Variants in VPS13A observed in about 807,000 individuals in gnomAD.
VPS13A encodes the protein vacuolar protein sorting 13 homolog A, also known as intermembrane lipid transfer protein VPS13A.
A neutral mutation model predicts 390.9 loss-of-function variants in VPS13A; 264 were observed. The ratio of observed to expected loss-of-function variants is 0.68; its 90% CI spans 0.61 to 0.75. VPS13A has a LOEUF of 0.75. Among genes scored for constraint, VPS13A ranks in the 30% least tolerant of loss-of-function variants. The probability of loss-of-function intolerance (pLI) is 0.00; values close to 1 mark genes in which losing one functional copy is unlikely to be tolerated. For missense variants in VPS13A, 3,409 were observed against 3,733.9 expected, an observed-to-expected ratio of 0.91 and a Z score of 2.27; for synonymous variants, 1,231 against 1,227.1, an observed-to-expected ratio of 1.00 and a Z score of -0.07.
intron 26 of VPS13A, among the ~76,000 whole-genome samples, chr9:77,276,961 A>G (rs1826717210): frequency 6.6e-6 from 1 of 152,166 alleles, no homozygotes; most frequent in Non-Finnish European, 1.5e-5. Context: ...ATGAGTTAAC[A>G]TATTCTCAGA....
intron 23 of VPS13A, among the ~76,000 whole-genome samples, chr9:77,262,026 A>G (rs1825789928): frequency 6.6e-6 from 1 of 152,176 alleles, no homozygotes; most frequent in African/African-American, 2.4e-5. Context: ...AATAAGTAGA[A>G]CATACTTTCC....
intron 68 of VPS13A, among the ~76,000 whole-genome samples, chr9:77,383,473 C>G (rs931356918): frequency 6.6e-6 from 1 of 151,978 alleles, no homozygotes; most frequent in East Asian, 1.9e-4. Context: ...ACCTGCCTTC[C>G]CTTGTTAGAA....
chr9:77,196,128 ATTTT>A (rs1230333521), intron 1 of VPS13A, among the ~76,000 whole-genome samples: 1 of 151,570 alleles, frequency 6.6e-6, no homozygotes, highest in Admixed American at 6.6e-5. Context: ...TTCCTTATTT[ATTTT>A]ATTTATTTAT....
rs957897199 is a variant in VPS13A, at chr9:77,177,559, A to G, written c.-146A>G. 18 of 718,098 alleles carry G rather than the reference A, an allele frequency of 2.5e-5. No homozygotes were observed. Among genetic ancestry groups the G allele is most frequent in the Admixed American group, 2.3e-4 (11 of 48,640 alleles). The allele number at this position is 718,098 out of a possible 1,614,324, so 44.5% of individuals were successfully genotyped here. On this transcript the variant is annotated 5_prime_UTR_variant, in exon 1 of 72. Transcript: ENST00000360280. ...GCCTCCGTCTCTCGCTGGGCTCGCTAGGGCTGCGCGTTGGGCCAGCGGGGG... is the reference window on the plus strand; with the variant it reads ...GCCTCCGTCTCTCGCTGGGCTCGCTGGGGCTGCGCGTTGGGCCAGCGGGGG...
At chr9:77,406,454 C>G (rs893473974) in intron 70 of VPS13A, among the ~76,000 whole-genome samples, 2 of 152,162 alleles carry the variant, frequency 1.3e-5, no homozygotes, top group Non-Finnish European at 2.9e-5. Context: ...GAGTCTTGCC[C>G]TGTCGCCCAA....
intron 26 of VPS13A, among the ~76,000 whole-genome samples, chr9:77,279,127 G>A (rs1826865786): frequency 6.6e-6 from 1 of 152,222 alleles, no homozygotes; most frequent in African/African-American, 2.4e-5. Flanking sequence ...AGGGCAGGGG[G>A]CCATTGTGAC....
chr9:77,337,359 G>A lies in VPS13A; in HGVS notation c.6200G>A (p.Cys2067Tyr), dbSNP rs770789453. Residue 2067 changes from cysteine (C) to tyrosine (Y), a missense_variant, in exon 47 of 72, where the codon TGT (cysteine) becomes TAT (tyrosine). This residue lies in a region of VPS13A where 2,717 missense variants were observed against 2,917.4 expected (regional missense o/e 0.93). Coordinates refer to ENST00000360280, the MANE Select transcript of VPS13A (RefSeq NM_033305.3). ...GATGGTGCTCTTCTAAAGAAGAAAT[G>A]TAGATCTAAAAACCCTTCTAAGGAA... ...KNDGALLKKK[C>Y]RSKNPSKESF... is the part of the protein sequence containing the mutation. 2 of 1,612,870 alleles carry A rather than the reference G, an allele frequency of 1.2e-6. No individual in the cohort carries two copies. Among genetic ancestry groups the A allele is most frequent in the Admixed American group, 1.7e-5 (1 of 59,996 alleles).
intron 17 of VPS13A, among the ~76,000 whole-genome samples, chr9:77,231,770 C>T (rs762646845): frequency 4.6e-5 from 7 of 152,056 alleles, no homozygotes; most frequent in Admixed American, 1.3e-4. Flanking sequence ...TCACTTCATC[C>T]GGTCTTATAT....
At position 77,308,047 on chromosome 9, in the gene VPS13A, C is replaced by G. The variant is rs1418921836; in HGVS notation, c.4063C>G (p.Gln1355Glu). The G allele has an allele frequency of 5.6e-6, 9 of 1,613,772 alleles. No homozygotes were observed. The highest frequency in any genetic ancestry group is 7.6e-6 in the Non-Finnish European group (9 of 1,179,882). The change falls in exon 35 of 72, where the codon CAA (glutamine) becomes GAA (glutamate). Residue 1355 changes from glutamine to glutamate, a missense_variant. By Grantham distance (29) the Gln-to-Glu change is conservative. Transcript: ENST00000360280. The part of the protein sequence containing the change: ...GSASPAVTKD[Q>E]YSATSGVTTN... Reference sequence around the variant, plus strand: ...TGCCTCACCTGCTGTAACAAAAGACCAATACAGTGCCACTAGTGGAGTTAC... The same window carrying G: ...TGCCTCACCTGCTGTAACAAAAGACGAATACAGTGCCACTAGTGGAGTTAC...
chr9:77,204,771 C>T (rs953560800), intron 3 of VPS13A, among the ~76,000 whole-genome samples: 2 of 152,038 alleles, frequency 1.3e-5, no homozygotes. Context: ...ACTACAGGCA[C>T]ATACTGTCAC....
chr9:77,236,977 C>T (rs1361830812), intron 17 of VPS13A, among the ~76,000 whole-genome samples: 1 of 152,160 alleles, frequency 6.6e-6, no homozygotes, highest in Non-Finnish European at 1.5e-5. Context: ...GCTCACTCCA[C>T]CTCCTGAGTT....
chr9:77,389,924 G>C (rs755454008), intron 68 of VPS13A: 9 of 217,904 alleles, frequency 4.1e-5, no homozygotes, highest in African/African-American at 9.4e-5. Context: ...GGCTGTTTTT[G>C]TGTCTTGTAT....
chr9:77,309,823 A>C (rs1268187750), intron 35 of VPS13A, among the ~76,000 whole-genome samples: 2 of 152,076 alleles, frequency 1.3e-5, no homozygotes, highest in African/African-American at 2.4e-5. Context: ...TCCACATACA[A>C]ACACATTTTC....
chr9:77,393,133 A>G (rs1833968465), intron 68 of VPS13A, among the ~76,000 whole-genome samples: 1 of 152,216 alleles, frequency 6.6e-6, no homozygotes, highest in Admixed American at 6.5e-5. Context: ...TGTCATTTAA[A>G]CAATCATAGA....
intron 54 of VPS13A, among the ~76,000 whole-genome samples, chr9:77,354,064 A>T (rs1042088688): frequency 1.3e-5 from 2 of 152,066 alleles, no homozygotes; most frequent in Non-Finnish European, 2.9e-5. Flanking sequence ...TAAGGTGATC[A>T]CTGTATTTAT....
At chr9:77,215,028 A>G (rs1822775241) in intron 10 of VPS13A, among the ~76,000 whole-genome samples, 1 of 152,182 alleles carries the variant, frequency 6.6e-6, no homozygotes, top group Non-Finnish European at 1.5e-5. Flanking sequence ...GGCCTTCCAA[A>G]ATGCTAGGAT....
intron 26 of VPS13A, chr9:77,279,891 T>C (rs1447192847): frequency 8.5e-6 from 2 of 235,852 alleles, no homozygotes; most frequent in Non-Finnish European, 8.4e-6. Flanking sequence ...TGATTCCTGT[T>C]TTTTCTTACC....
In VPS13A at chr9:77,275,645, T is replaced by C; in HGVS notation, c.2660T>C (p.Val887Ala). The change falls in exon 25 of 72, where the codon GTA (valine) becomes GCA (alanine). Residue 887 changes from valine to alanine, a missense_variant. By Grantham distance (64) the Val-to-Ala change is moderately conservative (BLOSUM62 0). This residue lies in a region of VPS13A where 2,717 missense variants were observed against 2,917.4 expected (regional missense o/e 0.93). Transcript: ENST00000360280. ...ACTACATTTAAAATAAGATTTGAAG[T>C]ACCAAAGGTAGGTACTACGGTAAAA... Reference protein sequence around the residue: ...NMTTFKIRFEVPKVLIEFYHL... With the variant: ...NMTTFKIRFEAPKVLIEFYHL... 1 of 1,613,282 alleles carries C rather than the reference T, an allele frequency of 6.2e-7. No individual in the cohort carries two copies. Among genetic ancestry groups the C allele is most frequent in the Non-Finnish European group, 8.5e-7 (1 of 1,179,448 alleles).
intron 68 of VPS13A, among the ~76,000 whole-genome samples, chr9:77,396,340 A>G (rs1179578715): frequency 6.6e-6 from 1 of 152,152 alleles, no homozygotes; most frequent in Non-Finnish European, 1.5e-5. Flanking sequence ...TATAGCCTAT[A>G]CCTATGGTTT....
Sources: allele counts gnomAD v4.1 joint callset (sites outside exome capture counted in the v4.1 genomes callset), GRCh38; gene constraint gnomAD v4.1.1; regional missense constraint gnomAD v4.1.1; transcripts MANE v1.5; gene names NCBI Gene and HGNC (gene_info 2026-07-23, HGNC 2026-07-21).